Variants in FBXL7 observed in about 807,000 individuals in gnomAD.
The protein encoded by FBXL7 is F-box/LRR-repeat protein 7.
In FBXL7, 12 loss-of-function variants were observed where a neutral mutation model predicts 38.3. The ratio of observed to expected loss-of-function variants is 0.31; its 90% confidence interval spans 0.20 to 0.51. The LOEUF (loss-of-function observed/expected upper bound fraction) is 0.51, where lower values mean the gene tolerates loss of function less well. FBXL7 is among the 20% of genes least tolerant of loss of function. The probability of loss-of-function intolerance (pLI) is 0.98; values close to 1 mark genes in which losing one functional copy is unlikely to be tolerated. For missense variants in FBXL7, 567 were observed against 676.4 expected (o/e 0.84, Z 1.79); for synonymous variants, 297 against 300.9 (o/e 0.99, Z 0.13).
intron 3 of FBXL7, among the ~76,000 whole-genome samples, chr5:15,934,966 G>T (rs1225074398): frequency 6.6e-6 from 1 of 152,156 alleles, no homozygotes; most frequent in Non-Finnish European, 1.5e-5. Context: ...TGAAAATAAA[G>T]GGGAGGAAAG....
At chr5:15,750,803 T>C (rs914319268) in intron 2 of FBXL7, among the ~76,000 whole-genome samples, 15 of 152,128 alleles carry the variant, frequency 9.9e-5, no homozygotes, top group African/African-American at 3.6e-4. Flanking sequence ...GAGCAAAGCA[T>C]ACAAGAGCAC....
At chr5:15,831,917 G>C (rs1246069056) in intron 2 of FBXL7, among the ~76,000 whole-genome samples, 3 of 152,022 alleles carry the variant, frequency 2.0e-5, no homozygotes. Flanking sequence ...CCCTTGCTCT[G>C]TCCACACCCC....
chr5:15,862,206 G>A (rs1739505151), intron 2 of FBXL7, among the ~76,000 whole-genome samples: 1 of 152,142 alleles, frequency 6.6e-6, no homozygotes, highest in African/African-American at 2.4e-5. Context: ...CCCCCATACT[G>A]TTCTCGTGGT....
At chr5:15,764,773 C>T (rs1355080116) in intron 2 of FBXL7, among the ~76,000 whole-genome samples, 1 of 152,228 alleles carries the variant, frequency 6.6e-6, no homozygotes, top group Non-Finnish European at 1.5e-5. Context: ...GGGAAAATTA[C>T]TCTTAGTTAG....
At chr5:15,713,275 C>A (rs1478764224) in intron 2 of FBXL7, among the ~76,000 whole-genome samples, 1 of 152,094 alleles carries the variant, frequency 6.6e-6, no homozygotes, top group Non-Finnish European at 1.5e-5. Flanking sequence ...ATCTGGTGCA[C>A]CTTATTCACT....
intron 1 of FBXL7, among the ~76,000 whole-genome samples, chr5:15,535,048 C>T (rs1264077984): frequency 2.6e-5 from 4 of 152,092 alleles, no homozygotes; most frequent in African/African-American, 9.7e-5. Flanking sequence ...GCAGTTAACC[C>T]CTCACTCTCT....
At chr5:15,739,595 C>G (rs1735843125) in intron 2 of FBXL7, among the ~76,000 whole-genome samples, 1 of 151,966 alleles carries the variant, frequency 6.6e-6, no homozygotes, top group Admixed American at 6.6e-5. Context: ...CTTTTTTTGT[C>G]TCTGTAGATT....
intron 2 of FBXL7, among the ~76,000 whole-genome samples, chr5:15,749,663 C>G (rs1016365056): frequency 1.3e-5 from 2 of 152,128 alleles, no homozygotes; most frequent in African/African-American, 4.8e-5. Context: ...AGTCACTGCA[C>G]AGCAGTGTTG....
At chr5:15,699,954 C>T (rs1743470020) in intron 2 of FBXL7, among the ~76,000 whole-genome samples, 1 of 152,154 alleles carries the variant, frequency 6.6e-6, no homozygotes, top group South Asian at 2.1e-4. Context: ...GCACTTTGAC[C>T]ATATGTTCAT....
At position 15,897,025 on chromosome 5, in the gene FBXL7, T is replaced by C. The variant is rs537458381; in HGVS notation, c.128-30865T>C. ...GGCATGTGCCTGTAATCCCAGCTGC[T>C]CTGGAGGGTGAGGCACAAGAATCGC... On this transcript the variant is annotated intron_variant, in intron 2 of 3. Transcript: ENST00000504595. 1.8e-3 allele frequency among the ~76,000 whole-genome samples: 269 copies of C among 152,274 alleles called. 1 individual carries two copies. The highest frequency in any genetic ancestry group is 2.9e-3 in the Non-Finnish European group (198 of 68,018).
At chr5:15,857,685 C>T (rs1391120780) in intron 2 of FBXL7, among the ~76,000 whole-genome samples, 6 of 152,146 alleles carry the variant, frequency 3.9e-5, no homozygotes, top group Non-Finnish European at 5.9e-5. Context: ...TGAATGTTTT[C>T]TTGTGGTCTT....
At chr5:15,779,736 G>A (rs1457164948) in intron 2 of FBXL7, among the ~76,000 whole-genome samples, 1 of 152,128 alleles carries the variant, frequency 6.6e-6, no homozygotes, top group Non-Finnish European at 1.5e-5. Context: ...GATACAGTCA[G>A]CAAATTAATG....
chr5:15,709,598 G>T (rs1448646782), intron 2 of FBXL7, among the ~76,000 whole-genome samples: 2 of 121,726 alleles, frequency 1.6e-5, no homozygotes, highest in Admixed American at 8.4e-5. Flanking sequence ...ACAGAATCAG[G>T]CCACTTTTTA....
intron 1 of FBXL7, among the ~76,000 whole-genome samples, chr5:15,556,767 T>A (rs2126430971): frequency 6.6e-6 from 1 of 152,316 alleles, no homozygotes. Flanking sequence ...TGGCGTTTTT[T>A]GACTGTGGCA....
chr5:15,528,074 G>A (rs1737302534), intron 1 of FBXL7, among the ~76,000 whole-genome samples: 1 of 152,046 alleles, frequency 6.6e-6, no homozygotes, highest in African/African-American at 2.4e-5. Context: ...TTTCTACTTG[G>A]TTCCTTCTTC....
At chr5:15,689,107 A>G (rs1271076649) in intron 2 of FBXL7, among the ~76,000 whole-genome samples, 3 of 152,118 alleles carry the variant, frequency 2.0e-5, no homozygotes, top group Non-Finnish European at 2.9e-5. Flanking sequence ...GGGAACTCCA[A>G]CGGTGCACGT....
chr5:15,596,577 T>C (rs1349502034), intron 1 of FBXL7, among the ~76,000 whole-genome samples: 54 of 152,216 alleles, frequency 3.5e-4, no homozygotes, highest in Admixed American at 3.5e-3. Context: ...TACAAAGTTG[T>C]GCATACCATA....
chr5:15,509,058 C>G (rs969542126), intron 1 of FBXL7, among the ~76,000 whole-genome samples: 1 of 152,180 alleles, frequency 6.6e-6, no homozygotes, highest in Non-Finnish European at 1.5e-5. Flanking sequence ...TTGAATAAAT[C>G]TTTTCACTTC....
chr5:15,813,515 G>A (rs1737925395), intron 2 of FBXL7, among the ~76,000 whole-genome samples: 1 of 151,940 alleles, frequency 6.6e-6, no homozygotes, highest in Non-Finnish European at 1.5e-5. Context: ...CATAGGCATG[G>A]GCAAGGACTT....
Sources: gnomAD v4.1 joint callset for allele counts (sites outside exome capture counted in the v4.1 genomes callset) on GRCh38, gnomAD v4.1.1 for gene constraint, MANE v1.5 for transcripts, NCBI Gene and HGNC (gene_info 2026-07-23, HGNC 2026-07-21) for gene names.